Variants in RSRC1 observed in about 807,000 individuals in gnomAD.
RSRC1 encodes arginine and serine rich coiled-coil 1, also known as serine/Arginine-related protein 53.
A neutral mutation model predicts 49.1 loss-of-function variants in RSRC1; 39 were observed. The ratio of observed to expected loss-of-function variants is 0.79; its 90% CI spans 0.61 to 1.04. The LOEUF (loss-of-function observed/expected upper bound fraction) is 1.04, where lower values mean the gene tolerates loss of function less well. RSRC1 is among the 50% of genes least tolerant of loss of function. The pLI, the probability that RSRC1 is intolerant of heterozygous loss-of-function variation, is 0.00. For synonymous variants in RSRC1, 143 were observed against 130.8 expected (o/e 1.09, Z -0.63); for missense variants, 388 against 402.4 (o/e 0.96, Z 0.31).
At chr3:158,355,926 C>T (rs977073874) in intron 6 of RSRC1, among the ~76,000 whole-genome samples, 14 of 151,610 alleles carry the variant, frequency 9.2e-5, no homozygotes, top group Admixed American at 5.2e-4. Context: ...CATATACACA[C>T]GCTATATTTT....
At chr3:158,152,093 T>C (rs1001657298) in intron 3 of RSRC1, among the ~76,000 whole-genome samples, 3 of 146,324 alleles carry the variant, frequency 2.1e-5, no homozygotes, top group African/African-American at 5.1e-5. Context: ...TTTTTTTTTT[T>C]CAGATATTGA....
intron 6 of RSRC1, among the ~76,000 whole-genome samples, chr3:158,423,376 C>G (rs902410625): frequency 2.6e-5 from 4 of 152,012 alleles, no homozygotes; most frequent in Admixed American, 2.0e-4. Context: ...TGTCAAAGAT[C>G]AGATAGTTGT....
intron 5 of RSRC1, among the ~76,000 whole-genome samples, chr3:158,310,500 A>G (rs1173636318): frequency 6.6e-6 from 1 of 151,828 alleles, no homozygotes; most frequent in Non-Finnish European, 1.5e-5. Flanking sequence ...AGGAACGAAT[A>G]CAAATCTTGA....
intron 4 of RSRC1, among the ~76,000 whole-genome samples, chr3:158,251,427 T>C (rs1323487371): frequency 6.6e-6 from 1 of 152,166 alleles, no homozygotes; most frequent in African/African-American, 2.4e-5. Flanking sequence ...ATTTTAACAA[T>C]ATTGATTTTT....
chr3:158,543,778 G>T, intron 9 of RSRC1: 1 of 317,768 alleles, frequency 3.1e-6, no homozygotes, highest in Non-Finnish European at 5.7e-6. Flanking sequence ...GAATTGATCA[G>T]CACCATGAGA....
At chr3:158,459,402 T>A (rs890619931) in intron 6 of RSRC1, among the ~76,000 whole-genome samples, 1 of 152,082 alleles carries the variant, frequency 6.6e-6, no homozygotes, top group Admixed American at 6.6e-5. Context: ...TTAATGGAGG[T>A]TCTTGAAATC....
At chr3:158,419,036 A>G (rs1378383656) in intron 6 of RSRC1, among the ~76,000 whole-genome samples, 1 of 152,002 alleles carries the variant, frequency 6.6e-6, no homozygotes, top group Non-Finnish European at 1.5e-5. Flanking sequence ...GATTCAAAAT[A>G]TGGTTTACTA....
intron 3 of RSRC1, among the ~76,000 whole-genome samples, chr3:158,133,932 G>A (rs1271667411): frequency 6.6e-6 from 1 of 152,172 alleles, no homozygotes; most frequent in Non-Finnish European, 1.5e-5. Flanking sequence ...GAGTTATGGA[G>A]TCCAGAAAGA....
intron 6 of RSRC1, among the ~76,000 whole-genome samples, chr3:158,426,320 A>G (rs989802055): frequency 1.3e-5 from 2 of 151,712 alleles, no homozygotes; most frequent in African/African-American, 4.8e-5. Flanking sequence ...CTGACAAAAT[A>G]TTAATATCTG....
intron 5 of RSRC1, among the ~76,000 whole-genome samples, chr3:158,300,876 T>C (rs956073013): frequency 2.0e-5 from 3 of 152,290 alleles, no homozygotes; most frequent in South Asian, 2.1e-4. Context: ...CCAGGTAACA[T>C]AGTTGCCCTG....
intron 6 of RSRC1, among the ~76,000 whole-genome samples, chr3:158,455,222 T>G (rs1737245980): frequency 6.6e-6 from 1 of 152,138 alleles, no homozygotes; most frequent in South Asian, 2.1e-4. Flanking sequence ...GTTTAAGAAT[T>G]TCTCAACATT....
intron 5 of RSRC1, among the ~76,000 whole-genome samples, chr3:158,313,067 C>G (rs1311933724): frequency 6.6e-6 from 1 of 152,070 alleles, no homozygotes; most frequent in Non-Finnish European, 1.5e-5. Context: ...GTTGCTTTTC[C>G]CTTTGTTCAA....
chr3:158,310,038 T>C (rs1277894032), intron 5 of RSRC1, among the ~76,000 whole-genome samples: 1 of 151,734 alleles, frequency 6.6e-6, no homozygotes, highest in Non-Finnish European at 1.5e-5. Flanking sequence ...ACAAGTTAGA[T>C]GGTAAGATAC....
intron 3 of RSRC1, among the ~76,000 whole-genome samples, chr3:158,201,573 G>A (rs1442985167): frequency 6.6e-6 from 1 of 151,992 alleles, no homozygotes; most frequent in Non-Finnish European, 1.5e-5. Context: ...TTCATATTGG[G>A]TAATTTTGAT....
At chr3:158,438,478 C>A (rs1736174803) in intron 6 of RSRC1, among the ~76,000 whole-genome samples, 1 of 152,006 alleles carries the variant, frequency 6.6e-6, no homozygotes, top group African/African-American at 2.4e-5. Flanking sequence ...GATATATAGA[C>A]CAATAGAACA....
chr3:158,326,984 C>A (rs1034779256), intron 5 of RSRC1, among the ~76,000 whole-genome samples: 5 of 152,106 alleles, frequency 3.3e-5, no homozygotes, highest in Non-Finnish European at 7.4e-5. Context: ...AGAAATTTAT[C>A]CATTTGTTCT....
At chr3:158,352,340 G>A (rs1399092595) in intron 5 of RSRC1, among the ~76,000 whole-genome samples, 1 of 152,152 alleles carries the variant, frequency 6.6e-6, no homozygotes, top group Non-Finnish European at 1.5e-5. Flanking sequence ...AATGGTTATA[G>A]ATGTGGAGAG....
chr3:158,529,678 T>TC (rs2108498537), intron 7 of RSRC1, among the ~76,000 whole-genome samples: 1 of 152,006 alleles, frequency 6.6e-6, no homozygotes, highest in Non-Finnish European at 1.5e-5. Flanking sequence ...TCTATGACTT[T>TC]CCCCACTGGA....
intron 7 of RSRC1, among the ~76,000 whole-genome samples, chr3:158,497,478 C>A (rs1199009493): frequency 1.3e-5 from 2 of 150,658 alleles, no homozygotes; most frequent in Admixed American, 1.3e-4. Flanking sequence ...ATTCAGCCGC[C>A]CAGGTTGGAG....
Sources: allele counts gnomAD v4.1 joint callset (sites outside exome capture counted in the v4.1 genomes callset), GRCh38; gene constraint gnomAD v4.1.1; transcripts MANE v1.5; gene names NCBI Gene and HGNC (gene_info 2026-07-23, HGNC 2026-07-21).